Variants in SYNPR observed in about 807,000 individuals in gnomAD.
SYNPR encodes the protein synaptoporin.
A neutral mutation model predicts 32.9 loss-of-function variants in SYNPR; 23 were observed. That is an observed-to-expected ratio of 0.70 (90% confidence interval 0.50 to 0.99). The LOEUF is 0.99. Ranked by LOEUF, SYNPR falls within the 50% of genes least tolerant of loss-of-function variation. The probability of loss-of-function intolerance (pLI) is 0.00; values close to 1 mark genes in which losing one functional copy is unlikely to be tolerated. For synonymous variants in SYNPR, 146 were observed against 135.9 expected, an observed-to-expected ratio of 1.07 and a Z score of -0.52; for missense variants, 318 against 349.3, an observed-to-expected ratio of 0.91 and a Z score of 0.71.
intron 2 of SYNPR, among the ~76,000 whole-genome samples, chr3:63,375,797 C>T (rs1163899237): frequency 6.6e-6 from 1 of 152,038 alleles, no homozygotes; most frequent in Non-Finnish European, 1.5e-5. Context: ...GTCAGTGTGT[C>T]CAAAATGTCT....
intron 4 of SYNPR, chr3:63,561,260 T>A (rs867653173): frequency 6.6e-6 from 1 of 152,152 alleles, no homozygotes; most frequent in Non-Finnish European, 1.5e-5. Context: ...TCAACCGATA[T>A]TGATTGGGTT....
intron 2 of SYNPR, among the ~76,000 whole-genome samples, chr3:63,413,034 A>T (rs1157341539): frequency 1.3e-5 from 2 of 152,184 alleles, no homozygotes; most frequent in African/African-American, 4.8e-5. Flanking sequence ...TCATTATCTT[A>T]TCTCATTTGA....
chr3:63,367,869 G>T (rs1041513515), intron 2 of SYNPR, among the ~76,000 whole-genome samples: 1 of 152,144 alleles, frequency 6.6e-6, no homozygotes, highest in Non-Finnish European at 1.5e-5. Context: ...CACAATCACT[G>T]ATGATTTTCT....
At chr3:63,413,921 C>G (rs535404529) in intron 2 of SYNPR, among the ~76,000 whole-genome samples, 8 of 151,752 alleles carry the variant, frequency 5.3e-5, no homozygotes, top group African/African-American at 1.2e-4. Context: ...AAATTAGGAG[C>G]CTTTCTCCAT....
intron 2 of SYNPR, among the ~76,000 whole-genome samples, chr3:63,334,386 A>C (rs2087261793): frequency 6.6e-6 from 1 of 152,184 alleles, no homozygotes; most frequent in Admixed American, 6.5e-5. Context: ...ACAAGAGGTG[A>C]AGGTTGCTTG....
chr3:63,352,400 T>C (rs2087521887), intron 2 of SYNPR, among the ~76,000 whole-genome samples: 1 of 152,186 alleles, frequency 6.6e-6, no homozygotes, highest in Non-Finnish European at 1.5e-5. Flanking sequence ...TGTGGATCAG[T>C]ATCATAAAGC....
At chr3:63,505,111 C>T (rs1356596936) in intron 3 of SYNPR, among the ~76,000 whole-genome samples, 2 of 152,134 alleles carry the variant, frequency 1.3e-5, no homozygotes, top group Non-Finnish European at 2.9e-5. Flanking sequence ...TTACTGAGCT[C>T]CCACACTGGG....
intron 5 of SYNPR, among the ~76,000 whole-genome samples, chr3:63,614,969 A>G (rs1700256406): frequency 6.6e-6 from 1 of 152,208 alleles, no homozygotes; most frequent in African/African-American, 2.4e-5. Flanking sequence ...GACAATAGCA[A>G]CTTTTTCCTA....
intron 2 of SYNPR, among the ~76,000 whole-genome samples, chr3:63,363,197 G>A (rs747304441): frequency 2.0e-5 from 3 of 151,858 alleles, no homozygotes; most frequent in East Asian, 1.9e-4. Context: ...TACTTTGCCC[G>A]GCATATGTTT....
chr3:63,417,979 T>C (rs2088563663), intron 2 of SYNPR, among the ~76,000 whole-genome samples: 1 of 152,236 alleles, frequency 6.6e-6, no homozygotes, highest in African/African-American at 2.4e-5. Flanking sequence ...AGCTCCTCAT[T>C]ACTTATGCAA....
intron 3 of SYNPR, among the ~76,000 whole-genome samples, chr3:63,545,936 T>C (rs1156494088): frequency 6.6e-6 from 1 of 152,142 alleles, no homozygotes; most frequent in Non-Finnish European, 1.5e-5. Context: ...CTATTCCTGA[T>C]ACATTTCTAT....
At chr3:63,502,988 C>G (rs76487067) in intron 3 of SYNPR, among the ~76,000 whole-genome samples, 1 of 152,062 alleles carries the variant, frequency 6.6e-6, no homozygotes, top group African/African-American at 2.4e-5. Context: ...TGGGTAGATA[C>G]TAAGGAATGG....
At chr3:63,288,239 G>T (rs1358892283) in intron 2 of SYNPR, among the ~76,000 whole-genome samples, 1 of 152,172 alleles carries the variant, frequency 6.6e-6, no homozygotes, top group Admixed American at 6.5e-5. Flanking sequence ...GAATAAAAAG[G>T]GTCATGATAT....
chr3:63,313,375 T>C (rs1336714066), intron 2 of SYNPR, among the ~76,000 whole-genome samples: 2 of 151,616 alleles, frequency 1.3e-5, no homozygotes, highest in African/African-American at 2.4e-5. Flanking sequence ...TCCCACTCTT[T>C]CCTCCAGGTC....
chr3:63,329,296 G>A (rs904027344), intron 2 of SYNPR, among the ~76,000 whole-genome samples: 16 of 152,050 alleles, frequency 1.1e-4, no homozygotes, highest in African/African-American at 3.6e-4. Context: ...ATTTAATGGG[G>A]TAGCTACTCT....
intron 4 of SYNPR, among the ~76,000 whole-genome samples, chr3:63,586,150 C>T (rs1703180344): frequency 6.6e-6 from 1 of 151,994 alleles, no homozygotes; most frequent in African/African-American, 2.4e-5. Flanking sequence ...CCATCTGTTG[C>T]AGGCTGACAG....
intron 2 of SYNPR, among the ~76,000 whole-genome samples, chr3:63,472,935 C>G (rs1700831513): frequency 6.6e-6 from 1 of 152,122 alleles, no homozygotes. Flanking sequence ...AGCATGAAAG[C>G]ATCCATAAAT....
At chr3:63,480,758 C>G (rs768267727) in intron 2 of SYNPR, 74 bp from the exon 3 acceptor site, 32 of 1,536,442 alleles carry the variant, frequency 2.1e-5, no homozygotes, top group Non-Finnish European at 2.7e-5. Context: ...AGACATTAAG[C>G]TCCTTTTGAT....
At chr3:63,265,988 T>C (rs918850612) in intron 2 of SYNPR, among the ~76,000 whole-genome samples, 3 of 152,132 alleles carry the variant, frequency 2.0e-5, no homozygotes, top group African/African-American at 7.2e-5. Context: ...GCAGGAAGAG[T>C]ATTAAACATC....
Sources: allele counts gnomAD v4.1 joint callset (sites outside exome capture counted in the v4.1 genomes callset), GRCh38; gene constraint gnomAD v4.1.1; transcripts MANE v1.5; gene names NCBI Gene and HGNC (gene_info 2026-07-23, HGNC 2026-07-21).